The following RAB3IP variants were observed in gnomAD, a reference collection of about 807,000 sequenced individuals.
RAB3IP encodes the protein rab-3A-interacting protein.
Under a neutral mutation model 59.1 loss-of-function variants are expected in RAB3IP, and 36 were observed. That is an observed-to-expected ratio of 0.61 (90% CI 0.47 to 0.80). The LOEUF (loss-of-function observed/expected upper bound fraction) is 0.80, where lower values mean the gene tolerates loss of function less well. Among genes scored for constraint, RAB3IP ranks in the 30% least tolerant of loss-of-function variants. The pLI, the probability that RAB3IP is intolerant of heterozygous loss-of-function variation, is 0.00. For synonymous variants in RAB3IP, 207 were observed against 191.2 expected (o/e 1.08, Z -0.68); for missense variants, 511 against 536.0 (o/e 0.95, Z 0.46).
intron 8 of RAB3IP, among the ~76,000 whole-genome samples, chr12:69,807,625 C>T (rs1879643987): frequency 6.8e-6 from 1 of 147,984 alleles, no homozygotes; most frequent in South Asian, 2.2e-4. Context: ...GGCAGAGGCG[C>T]TCCTTACCTC....
chr12:69,812,750 A>G, intron 8 of RAB3IP, 28 bp from the exon 9 acceptor site: 1 of 1,526,882 alleles, frequency 6.5e-7, no homozygotes, highest in Non-Finnish European at 9.0e-7. Context: ...TTCATTTCAA[A>G]AAACTGAAAT....
In RAB3IP at chr12:69,754,342, G is replaced by GACACACACACAC. The variant is rs146834778; in HGVS notation, c.-25-1042_-25-1041insACACACACACAC. On this transcript the variant is annotated intron_variant, in intron 1 of 10. Coordinates refer to ENST00000247833, the MANE Select transcript of RAB3IP (RefSeq NM_022456.5). ...ACACACACACATACACAGATACACG[G>GACACACACACAC]GCACACACACACACACACACACACA... Among the ~76,000 whole-genome samples the GACACACACACAC allele has an allele frequency of 2.4e-3, 356 of 150,074 alleles. 3 individuals are homozygous for GACACACACACAC. Among genetic ancestry groups the GACACACACACAC allele is most frequent in the African/African-American group, 7.6e-3 (312 of 40,824 alleles).
chr12:69,749,040 C>T (rs1445944193), intron 1 of RAB3IP, among the ~76,000 whole-genome samples: 3 of 152,202 alleles, frequency 2.0e-5, no homozygotes, highest in Non-Finnish European at 4.4e-5. Flanking sequence ...AGAAGCACTG[C>T]TCAGAGGCAT....
chr12:69,756,401 A>T lies in RAB3IP; in HGVS notation c.252-4A>T. On this transcript the variant is annotated splice_region_variant and splice_polypyrimidine_tract_variant and intron_variant, in intron 2 of 10. Transcript: ENST00000247833. Reference sequence around the variant, plus strand: ...TTTCTGAAAAATGTCTCTCTCCTTTACAGCTTTCATGTTACAGACCCAGCC... The same window carrying T: ...TTTCTGAAAAATGTCTCTCTCCTTTTCAGCTTTCATGTTACAGACCCAGCC... 6.2e-7 allele frequency: 1 copy of T among 1,612,948 alleles called. No homozygotes were observed. Among genetic ancestry groups the T allele is most frequent in the Non-Finnish European group, 8.5e-7 (1 of 1,179,610 alleles).
chr12:69,808,898 C>T (rs1320590315), intron 8 of RAB3IP, among the ~76,000 whole-genome samples: 14 of 152,032 alleles, frequency 9.2e-5, no homozygotes, highest in African/African-American at 3.4e-4. Context: ...AGCCCATTTA[C>T]ATTTAAGGTT....
At chr12:69,787,575 C>G (rs1411805467) in intron 4 of RAB3IP, among the ~76,000 whole-genome samples, 1 of 152,094 alleles carries the variant, frequency 6.6e-6, no homozygotes, top group African/African-American at 2.4e-5. Flanking sequence ...TGGCATTTCT[C>G]TTTGTGTCAA....
intron 8 of RAB3IP, chr12:69,812,125 C>CA (rs1880547202): frequency 6.6e-6 from 1 of 152,254 alleles, no homozygotes. Flanking sequence ...AAAGATGAAT[C>CA]AAAGTCCCTG....
At chr12:69,747,567 A>C (rs1868531953) in intron 1 of RAB3IP, among the ~76,000 whole-genome samples, 1 of 152,174 alleles carries the variant, frequency 6.6e-6, no homozygotes, top group Admixed American at 6.5e-5. Flanking sequence ...GGCCTTCCAA[A>C]GTTCTGAGAT....
At chr12:69,738,443 C>G (rs1886880555), upstream of RAB3IP, 1 of 152,288 alleles carries the variant, frequency 6.6e-6, no homozygotes, top group Admixed American at 6.5e-5. Context: ...CACACACACA[C>G]GTCGTAAGGT....
intron 4 of RAB3IP, among the ~76,000 whole-genome samples, chr12:69,792,236 A>T (rs1449822537): frequency 6.6e-6 from 1 of 152,204 alleles, no homozygotes; most frequent in African/African-American, 2.4e-5. Context: ...CCCAATGTAC[A>T]GCACGACTAT....
At position 69,821,274 on chromosome 12, in the gene RAB3IP, AC is replaced by A. The variant is rs1881711211; in HGVS notation, c.*5829del. The A allele has an allele frequency of 6.6e-6, 1 of 152,254 alleles. No individual in the cohort carries two copies. Among genetic ancestry groups the A allele is most frequent in the South Asian group, 2.1e-4 (1 of 4,828 alleles). 9.4% of individuals were successfully genotyped at this position (152,254 alleles called of 1,614,324 possible). A position where few individuals can be genotyped will look rare whatever the true frequency, so the allele number is the denominator to read the frequency against. On this transcript the variant is annotated 3_prime_UTR_variant, in exon 11 of 11. Transcript: ENST00000247833. Reference sequence around the variant, plus strand: ...ACCCAAATCACAACTAGATTAGATTACTATTCAAGAGAATGATTCTCTACCG... The same window carrying A: ...ACCCAAATCACAACTAGATTAGATTATATTCAAGAGAATGATTCTCTACCG...
At chr12:69,804,388 G>T (rs1878898972) in intron 8 of RAB3IP, among the ~76,000 whole-genome samples, 1 of 152,136 alleles carries the variant, frequency 6.6e-6, no homozygotes, top group African/African-American at 2.4e-5. Context: ...GTAGATTCTG[G>T]ATACTAGCCC....
Position 69,818,110 on chromosome 12 carries a change from A to G in RAB3IP, c.*2664A>G, listed in dbSNP as rs1214045277. ...TTTTAGTCATTAGGATCACTCACAT[A>G]TTGCTGATGGGGGTATCAATTGGTA... is the stretch of plus-strand genomic sequence containing the variant. On this transcript the variant is annotated 3_prime_UTR_variant, in exon 11 of 11. Transcript: ENST00000247833. 6.6e-6 allele frequency: 1 copy of G among 152,214 alleles called. No homozygotes were observed. The allele number at this position is 152,214 out of a possible 1,614,324, so 9.4% of individuals were successfully genotyped here. A position where few individuals can be genotyped will look rare whatever the true frequency, so the allele number is the denominator to read the frequency against.
At chr12:69,761,029 A>G (rs1253185817) in intron 3 of RAB3IP, among the ~76,000 whole-genome samples, 3 of 152,128 alleles carry the variant, frequency 2.0e-5, no homozygotes, top group East Asian at 1.9e-4. Context: ...TTCCTATTAC[A>G]TGTACATTAG....
rs757190650 is a variant in RAB3IP at position 69,801,597 on chromosome 12, T to G, written c.1018-12T>G. 1 of 1,478,438 alleles carries G rather than the reference T, an allele frequency of 6.8e-7. No individual in the cohort carries two copies. The highest frequency in any genetic ancestry group is 1.4e-5 in the African/African-American group (1 of 71,182). The allele number at this position is 1,478,438 out of a possible 1,614,324, so 91.6% of individuals were successfully genotyped here. ...CCAGTATAGCATCTAGTACTTTTTC[T>G]TTTTTTTTAAGTTGGCTTCAGCTGT... On this transcript the variant is annotated splice_polypyrimidine_tract_variant and intron_variant, in intron 7 of 10. Transcript: ENST00000247833.
In RAB3IP at chr12:69,795,170, A is replaced by G. The variant is rs373932210; in HGVS notation, c.714A>G (p.Ala238=). The change falls in exon 6 of 11, where the codon GCA becomes GCG. Residue 238 remains alanine (A), a synonymous_variant. Coordinates refer to ENST00000247833, the MANE Select transcript of RAB3IP (RefSeq NM_022456.5). ...ATGTACTTCAAGCTGAAGTAGCTGC[A>G]TTGAAGACACTTGTATTGTCCAGTT... ...KIDVLQAEVA[A]LKTLVLSSSP... The G allele has an allele frequency of 3.7e-6, 6 of 1,613,864 alleles. No homozygotes were observed. The Admixed American group carries it at 5.0e-5, about 13-fold the overall frequency.
intron 3 of RAB3IP, among the ~76,000 whole-genome samples, chr12:69,770,128 A>G (rs1179499803): frequency 6.6e-6 from 1 of 152,238 alleles, no homozygotes; most frequent in African/African-American, 2.4e-5. Context: ...AGTTGGAAAA[A>G]AGAACATTAT....
intron 1 of RAB3IP, among the ~76,000 whole-genome samples, chr12:69,745,255 C>T (rs1868285883): frequency 6.6e-6 from 1 of 152,062 alleles, no homozygotes; most frequent in Non-Finnish European, 1.5e-5. Flanking sequence ...CTTTTACAAA[C>T]TTTGTTCTTT....
chr12:69,769,730 T>C (rs531096421), intron 3 of RAB3IP, among the ~76,000 whole-genome samples: 400 of 152,288 alleles, frequency 2.6e-3, no homozygotes, highest in Non-Finnish European at 3.8e-3. Flanking sequence ...AATATAGATA[T>C]GTCTCTCTTT....
Sources: allele counts gnomAD v4.1 joint callset (sites outside exome capture counted in the v4.1 genomes callset), GRCh38; gene constraint gnomAD v4.1.1; transcripts MANE v1.5; gene names NCBI Gene and HGNC (gene_info 2026-07-23, HGNC 2026-07-21).